Variants in POLH observed in about 807,000 individuals in gnomAD.
The protein encoded by POLH is DNA polymerase eta, also known as DNA polymerase eta transcript.
POLH carries 53 observed loss-of-function variants against 73.6 expected under a neutral mutation model. The ratio of observed to expected loss-of-function variants is 0.72; its 90% CI spans 0.58 to 0.91. POLH has a LOEUF of 0.91. Ranked by LOEUF, POLH falls within the 40% of genes least tolerant of loss-of-function variation. POLH has a pLI of 0.00. For missense variants in POLH, 768 were observed against 865.4 expected (o/e 0.89, Z 1.41); for synonymous variants, 292 against 308.5 (o/e 0.95, Z 0.56).
At chr6:43,594,293 A>G (rs1370013646) in intron 4 of POLH, among the ~76,000 whole-genome samples, 2 of 152,196 alleles carry the variant, frequency 1.3e-5, no homozygotes, top group East Asian at 3.8e-4. Flanking sequence ...ACTAGTATAA[A>G]TTGTTTTAAA....
chr6:43,608,502 A>C (rs752002559), intron 9 of POLH, among the ~76,000 whole-genome samples: 1 of 152,026 alleles, frequency 6.6e-6, no homozygotes, highest in Non-Finnish European at 1.5e-5. Context: ...ATCTCTCTCT[A>C]AGTCCCTGGG....
At position 43,604,766 on chromosome 6, in the gene POLH, A is replaced by G. The variant is rs2307459; in HGVS notation, c.1008+28A>G. On this transcript the variant is annotated intron_variant, in intron 8 of 10. Coordinates refer to ENST00000372236, the MANE Select transcript of POLH (RefSeq NM_006502.3). ...AAGCTGGCATTCTTGACAGAACACT[A>G]CCTCTTTTAAAGGGGTCAGTGGGTA... 7.9e-4 allele frequency: 1,276 copies of G among 1,613,610 alleles called. 15 individuals are homozygous for G. In the African/African-American group the frequency reaches 0.014, roughly 17 times the overall value.
intron 1 of POLH, 49 bp from the exon 2 acceptor site, chr6:43,582,267 A>C: frequency 6.3e-7 from 1 of 1,575,804 alleles, no homozygotes; most frequent in South Asian, 1.1e-5. Context: ...TTTCCCTGGC[A>C]TTTTGGATTA....
chr6:43,604,502 G>T, intron 7 of POLH, 113 bp from the exon 8 acceptor site: 2 of 1,230,324 alleles, frequency 1.6e-6, no homozygotes, highest in South Asian at 1.3e-5. Context: ...TTTGGACAAG[G>T]TTTTCCTTTT....
In POLH at chr6:43,619,072, A is replaced by G. The variant is rs981747760; in HGVS notation, c.*4515A>G. On this transcript the variant is annotated 3_prime_UTR_variant, in exon 11 of 11. Coordinates refer to ENST00000372236, the MANE Select transcript of POLH (RefSeq NM_006502.3). ...TATTTTCTGCTTTTATGATACTTGA[A>G]TATCTAATAAAAGACAATATTTAGC... 6.6e-6 allele frequency among the ~76,000 whole-genome samples: 1 copy of G among 152,094 alleles called. No homozygotes were observed. Among genetic ancestry groups the G allele is most frequent in the Non-Finnish European group, 1.5e-5 (1 of 68,014 alleles).
chr6:43,612,461 C>T (rs896818403), intron 10 of POLH, among the ~76,000 whole-genome samples: 1 of 151,502 alleles, frequency 6.6e-6, no homozygotes, highest in African/African-American at 2.4e-5. Context: ...ATTCTCCTGC[C>T]TCAGCCTCCT....
chr6:43,583,531 G>A (rs1345578552), intron 3 of POLH, among the ~76,000 whole-genome samples: 1 of 152,134 alleles, frequency 6.6e-6, no homozygotes, highest in African/African-American at 2.4e-5. Flanking sequence ...TCAGGAATTA[G>A]TTGCTATAAT....
At chr6:43,600,234 A>G (rs1384949804) in intron 5 of POLH, among the ~76,000 whole-genome samples, 4 of 151,852 alleles carry the variant, frequency 2.6e-5, no homozygotes, top group Non-Finnish European at 5.9e-5. Flanking sequence ...CCTGGCCAAC[A>G]TGGTGAAACC....
In POLH at chr6:43,587,284, C is replaced by T; in HGVS notation, c.285C>T (p.Ala95=). Residue 95 remains alanine, a synonymous_variant, in exon 4 of 11, where the codon GCC becomes GCT. Coordinates refer to ENST00000372236, the MANE Select transcript of POLH (RefSeq NM_006502.3). ...GKANLTKYRE[A]SVEVMEIMSR... Reference sequence around the variant, plus strand: ...TTATACTTCTTAGGTACCGGGAAGCCAGTGTTGAAGTGATGGAGATAATGT... The same window carrying T: ...TTATACTTCTTAGGTACCGGGAAGCTAGTGTTGAAGTGATGGAGATAATGT... 1 of 1,613,600 alleles carries T rather than the reference C, an allele frequency of 6.2e-7. No homozygotes were observed. Among genetic ancestry groups the T allele is most frequent in the Non-Finnish European group, 8.5e-7 (1 of 1,179,540 alleles).
rs920883611 is a variant in POLH, at chr6:43,578,290, G to A, written c.-5+1850G>A. The A allele has an allele frequency of 1.0e-5, 3 of 289,720 alleles. No homozygotes were observed. The East Asian group carries it at 3.9e-4, about 38-fold the overall frequency. The allele number at this position is 289,720 out of a possible 1,614,324, so 17.9% of individuals were successfully genotyped here. On this transcript the variant is annotated intron_variant, in intron 1 of 10. Coordinates refer to ENST00000372236, the MANE Select transcript of POLH (RefSeq NM_006502.3). Reference sequence around the variant, plus strand: ...TAATCCCAGCTACTCAGGAGGCTGAGGCAGGAGAATCGCTTGAACCCGGGA... The same window carrying A: ...TAATCCCAGCTACTCAGGAGGCTGAAGCAGGAGAATCGCTTGAACCCGGGA...
chr6:43,586,057 AATTAT>A (rs1240157629), intron 3 of POLH, among the ~76,000 whole-genome samples: 9 of 152,146 alleles, frequency 5.9e-5, no homozygotes, highest in African/African-American at 1.7e-4. Context: ...TTAGAACAAT[AATTAT>A]ATTAGTTTTT....
Position 43,618,645 on chromosome 6 carries a change from T to A in POLH, c.*4088T>A, listed in dbSNP as rs1215523132. Among the ~76,000 whole-genome samples, 1 of 152,126 alleles carries A rather than the reference T, an allele frequency of 6.6e-6. No homozygotes were observed. Among genetic ancestry groups the A allele is most frequent in the Non-Finnish European group, 1.5e-5 (1 of 68,026 alleles). On this transcript the variant is annotated 3_prime_UTR_variant, in exon 11 of 11. Coordinates refer to ENST00000372236, the MANE Select transcript of POLH (RefSeq NM_006502.3). Reference sequence around the variant, plus strand: ...ATACATATACCCAAACTTCTATTTTTTTATGTGACGGAGTTTCTCTCATCG... The same window carrying A: ...ATACATATACCCAAACTTCTATTTTATTATGTGACGGAGTTTCTCTCATCG...
Position 43,614,333 on chromosome 6 carries a change from T to G in POLH, c.1918T>G (p.Ser640Ala). The G allele has an allele frequency of 6.2e-7, 1 of 1,605,468 alleles. No individual in the cohort carries two copies. The change falls in exon 11 of 11, where the codon TCC (serine) becomes GCC (alanine). Residue 640 changes from serine to alanine, a missense_variant. Physicochemically the swap from Ser to Ala is moderately conservative, Grantham distance 99 (BLOSUM62 1). Transcript: ENST00000372236. ...CCAAGTGCCCTGTGAGAAGTGTGGC[T>G]CCCTGGTACCGGTATGGGATATGCC... ...EDQVPCEKCGSLVPVWDMPEH... is the reference protein window; with the variant it reads ...EDQVPCEKCGALVPVWDMPEH...
At chr6:43,594,119 A>T (rs1765782071) in intron 4 of POLH, among the ~76,000 whole-genome samples, 1 of 152,216 alleles carries the variant, frequency 6.6e-6, no homozygotes, top group South Asian at 2.1e-4. Context: ...GATTAAATTT[A>T]AAAATCTACA....
Position 43,610,499 on chromosome 6 carries a change from G to C in POLH, c.1075-55G>C, listed in dbSNP as rs953460135. On this transcript the variant is annotated intron_variant, in intron 9 of 10. Coordinates refer to ENST00000372236, the MANE Select transcript of POLH (RefSeq NM_006502.3). ...TTCCTCTCCTGCAGTTCAGTACCTA[G>C]AATTCAGATGCTCCTCATAACTTTA... The C allele has an allele frequency of 1.1e-5, 16 of 1,458,770 alleles. No homozygotes were observed. The African/African-American group carries it at 1.8e-4, about 17-fold the overall frequency. 90.4% of individuals were successfully genotyped at this position (1,458,770 alleles called of 1,614,324 possible).
chr6:43,594,352 G>C (rs930230843), intron 4 of POLH, among the ~76,000 whole-genome samples: 6 of 152,200 alleles, frequency 3.9e-5, no homozygotes, highest in South Asian at 4.1e-4. Flanking sequence ...TGCAAGCCTT[G>C]GTATTTCAGG....
intron 9 of POLH, among the ~76,000 whole-genome samples, chr6:43,605,639 A>T (rs1267534124): frequency 1.3e-5 from 2 of 151,840 alleles, no homozygotes; most frequent in Non-Finnish European, 2.9e-5. Context: ...TTGTAGAGAC[A>T]GGGTCTTGCT....
At position 43,586,627 on chromosome 6, in the gene POLH, A is replaced by G. The variant is rs146976644; in HGVS notation, c.273-645A>G. ...TGAGGAAGGTTGTCTGCCTGCCCAG[A>G]CACATCACCACATTCTAGGTGCTTA... On this transcript the variant is annotated intron_variant, in intron 3 of 10. Coordinates refer to ENST00000372236, the MANE Select transcript of POLH (RefSeq NM_006502.3). 2.6e-3 allele frequency among the ~76,000 whole-genome samples: 395 copies of G among 152,344 alleles called. 2 individuals are homozygous for G. Among genetic ancestry groups the G allele is most frequent in the Middle Eastern group, 0.01 (3 of 294 alleles).
intron 10 of POLH, among the ~76,000 whole-genome samples, chr6:43,611,871 C>T (rs186222913): frequency 7.7e-4 from 117 of 152,160 alleles, no homozygotes; most frequent in South Asian, 3.3e-3. Context: ...CCCCAGCCAA[C>T]ATGGTGAAAC....
Sources: allele counts gnomAD v4.1 joint callset (sites outside exome capture counted in the v4.1 genomes callset), GRCh38; gene constraint gnomAD v4.1.1; transcripts MANE v1.5; gene names NCBI Gene and HGNC (gene_info 2026-07-23, HGNC 2026-07-21).